The following ALB variants were observed in gnomAD, a reference collection of about 807,000 sequenced individuals.
The protein encoded by ALB is serum albumin.
A neutral mutation model predicts 74.5 loss-of-function variants in ALB; 37 were observed. The ratio of observed to expected loss-of-function variants is 0.50; its 90% CI spans 0.38 to 0.65. ALB has a LOEUF of 0.65. Among genes scored for constraint, ALB ranks in the 30% least tolerant of loss-of-function variants. The pLI is 0.00. For missense variants in ALB, 685 were observed against 718.7 expected (o/e 0.95, Z 0.54); for synonymous variants, 249 against 251.6 (o/e 0.99, Z 0.10).
rs76587671 is a variant in ALB at position 73,419,613 on chromosome 4, G to A, written c.1759G>A (p.Asp587Asn). The change falls in exon 13 of 15, where the codon GAT becomes AAT. Residue 587 changes from aspartate (D) to asparagine (N), a missense_variant. By Grantham distance (23) the Asp-to-Asn change is conservative (BLOSUM62 1). Coordinates refer to ENST00000295897, the MANE Select transcript of ALB (RefSeq NM_000477.7). ...AFVEKCCKAD[D>N]KETCFAEEGK... is the part of the protein sequence containing the mutation. ...TGTAGAGAAGTGCTGCAAGGCTGAC[G>A]ATAAGGAGACCTGCTTTGCCGAGGA... 16 of 1,613,888 alleles carry A rather than the reference G, an allele frequency of 9.9e-6. No individual in the cohort carries two copies. In the Admixed American group the frequency reaches 1.5e-4, roughly 15 times the overall value.
chr4:73,405,162 T>G lies in ALB; in HGVS notation c.126T>G (p.Asn42Lys). 1 of 1,612,272 alleles carries G rather than the reference T, an allele frequency of 6.2e-7. No individual in the cohort carries two copies. The highest frequency in any genetic ancestry group is 8.5e-7 in the Non-Finnish European group (1 of 1,178,476). Reference protein sequence around the residue: ...AHRFKDLGEENFKALVLIAFA... With the variant: ...AHRFKDLGEEKFKALVLIAFA... ...GGTTTAAAGATTTGGGAGAAGAAAA[T>G]TTCAAAGCCTTGTAAGTTAAAATAT... The change falls in exon 2 of 15, where the codon AAT (asparagine) becomes AAG (lysine). Residue 42 changes from asparagine to lysine, a missense_variant. By Grantham distance (94) the Asn-to-Lys change is moderately conservative (BLOSUM62 0). Transcript: ENST00000295897.
chr4:73,419,584 C>A lies in ALB; in HGVS notation c.1730C>A (p.Ala577Asp), dbSNP rs1280698113. 5 of 1,613,844 alleles carry A rather than the reference C, an allele frequency of 3.1e-6. No individual in the cohort carries two copies. The highest frequency in any genetic ancestry group is 1.1e-5 in the South Asian group (1 of 91,076). The change falls in exon 13 of 15, where the codon GCT becomes GAT. Residue 577 changes from alanine to aspartate, a missense_variant. By Grantham distance (126) the Ala-to-Asp change is moderately radical. Coordinates refer to ENST00000295897, the MANE Select transcript of ALB (RefSeq NM_000477.7). ...AAAGCTGTTATGGATGATTTCGCAG[C>A]TTTTGTAGAGAAGTGCTGCAAGGCT... ...QLKAVMDDFA[A>D]FVEKCCKADD...
At chr4:73,411,875 A>G (rs1421831256) in intron 6 of ALB, 121 bp from the exon 7 acceptor site, 11 of 1,296,924 alleles carry the variant, frequency 8.5e-6, no homozygotes, top group Non-Finnish European at 1.2e-5. Context: ...GAACTAATGA[A>G]TTTTAAAAAT....
chr4:73,406,159 T>G (rs1400959053), intron 2 of ALB, among the ~76,000 whole-genome samples: 1 of 152,100 alleles, frequency 6.6e-6, no homozygotes, highest in East Asian at 1.9e-4. Context: ...CTTAGGAGGC[T>G]GACGTAGGAG....
chr4:73,409,152 C>T, intron 4 of ALB: 1 of 623,030 alleles, frequency 1.6e-6, no homozygotes, highest in Non-Finnish European at 2.8e-6. Flanking sequence ...TTTATGCACA[C>T]ACACACACAC....
chr4:73,411,372 T>A (rs1718871754), intron 6 of ALB, among the ~76,000 whole-genome samples: 1 of 152,190 alleles, frequency 6.6e-6, no homozygotes, highest in South Asian at 2.1e-4. Context: ...GACGTTTACA[T>A]CTTGTCATAG....
At chr4:73,418,381 C>T in intron 12 of ALB, 70 bp downstream of exon 12, 2 of 1,386,932 alleles carry the variant, frequency 1.4e-6, no homozygotes, top group Non-Finnish European at 2.0e-6. Context: ...AAGCTAGCAA[C>T]TTTTTCCTGA....
At chr4:73,407,764 T>C (rs539489754) in intron 3 of ALB, among the ~76,000 whole-genome samples, 54 of 152,318 alleles carry the variant, frequency 3.5e-4, no homozygotes, top group African/African-American at 1.2e-3. Flanking sequence ...AACTTTAAAC[T>C]TTTAGTATTT....
rs1577936067 is a variant in ALB at position 73,408,681 on chromosome 4, C to T, written c.358C>T (p.Pro120Ser). 1.2e-6 allele frequency: 2 copies of T among 1,614,006 alleles called. No individual in the cohort carries two copies. Among genetic ancestry groups the T allele is most frequent in the Non-Finnish European group, 1.7e-6 (2 of 1,179,922 alleles). The change falls in exon 4 of 15, where the codon CCT (proline) becomes TCT (serine). Residue 120 changes from proline to serine, a missense_variant. By Grantham distance (74) the Pro-to-Ser change is moderately conservative (BLOSUM62 -1). Coordinates refer to ENST00000295897, the MANE Select transcript of ALB (RefSeq NM_000477.7). ...GGCTGACTGCTGTGCAAAACAAGAA[C>T]CTGAGAGAAATGAATGCTTCTTGCA... ...EMADCCAKQEPERNECFLQHK... is the reference protein window; with the variant it reads ...EMADCCAKQESERNECFLQHK...
At chr4:73,419,671 A>G in intron 13 of ALB, 32 bp downstream of exon 13, 1 of 1,612,794 alleles carries the variant, frequency 6.2e-7, no homozygotes, top group African/African-American at 1.3e-5. Context: ...TAATATGTCC[A>G]GTATTCATTT....
At chr4:73,407,150 C>G (rs768714352) in intron 3 of ALB, among the ~76,000 whole-genome samples, 17 of 147,186 alleles carry the variant, frequency 1.2e-4, no homozygotes, top group Admixed American at 6.7e-5. Flanking sequence ...TGAGATCTAC[C>G]CTGTTATATT....
rs78166690 is a variant in ALB, at chr4:73,415,162, A to G, written c.1186A>G (p.Lys396Glu). The G allele has an allele frequency of 3.7e-6, 6 of 1,614,054 alleles. No homozygotes were observed. The highest frequency in any genetic ancestry group is 1.6e-4 in the Middle Eastern group (1 of 6,082). ...AAADPHECYA[K>E]VFDEFKPLVE... ...TGCAGATCCTCATGAATGCTATGCC[A>G]AAGTGGTAGGTTTATTGTTGGAAAA... The change falls in exon 9 of 15, where the codon AAA becomes GAA. Residue 396 changes from lysine to glutamate, a missense_variant. By Grantham distance (56) the Lys-to-Glu change is moderately conservative. Transcript: ENST00000295897.
chr4:73,405,102 C>A lies in ALB; in HGVS notation c.80-14C>A, dbSNP rs780876692. The A allele has an allele frequency of 3.7e-6, 6 of 1,605,620 alleles. No individual in the cohort carries two copies. In the East Asian group the frequency reaches 1.3e-4, roughly 36 times the overall value. Reference sequence around the variant, plus strand: ...TCAGTATTTAACAATCCTTTTTTTTCTTCCCTTGCCCAGACAAGAGTGAGG... The same window carrying A: ...TCAGTATTTAACAATCCTTTTTTTTATTCCCTTGCCCAGACAAGAGTGAGG... On this transcript the variant is annotated splice_polypyrimidine_tract_variant and intron_variant, in intron 1 of 14. Coordinates refer to ENST00000295897, the MANE Select transcript of ALB (RefSeq NM_000477.7).
chr4:73,407,834 T>A (rs1036933311), intron 3 of ALB, among the ~76,000 whole-genome samples: 7 of 152,212 alleles, frequency 4.6e-5, no homozygotes, highest in Non-Finnish European at 8.8e-5. Context: ...AATCTATATA[T>A]ACCTCTTGTG....
chr4:73,415,429 G>T, intron 9 of ALB: 1 of 358,934 alleles, frequency 2.8e-6, no homozygotes, highest in Non-Finnish European at 5.0e-6. Flanking sequence ...ACAATCCTGA[G>T]AACAAAAAAA....
At chr4:73,406,491 A>G in intron 2 of ALB, 138 bp from the exon 3 acceptor site, 2 of 864,314 alleles carry the variant, frequency 2.3e-6, no homozygotes, top group Middle Eastern at 3.4e-4. Flanking sequence ...ACCTGATATG[A>G]ATAGGCTTTC....
In ALB at chr4:73,410,390, G is replaced by A; in HGVS notation, c.694G>A (p.Glu232Lys). 1 of 1,612,686 alleles carries A rather than the reference G, an allele frequency of 6.2e-7. No homozygotes were observed. Among genetic ancestry groups the A allele is most frequent in the Non-Finnish European group, 8.5e-7 (1 of 1,178,692 alleles). Residue 232 changes from glutamate to lysine, a missense_variant, in exon 6 of 15, where the codon GAA (glutamate) becomes AAA (lysine). Physicochemically the swap from Glu to Lys is moderately conservative, Grantham distance 56. Coordinates refer to ENST00000295897, the MANE Select transcript of ALB (RefSeq NM_000477.7). Reference protein sequence around the residue: ...LKCASLQKFGERAFKAWAVAR... With the variant: ...LKCASLQKFGKRAFKAWAVAR... The stretch of plus-strand genomic sequence containing the variant: ...GTGTGCCAGTCTCCAAAAATTTGGA[G>A]AAAGAGCTTTCAAAGCATGGTAAAT...
chr4:73,417,116 A>G (rs1186779865), intron 10 of ALB, among the ~76,000 whole-genome samples: 1 of 152,196 alleles, frequency 6.6e-6, no homozygotes, highest in Non-Finnish European at 1.5e-5. Context: ...ATGTCAGATT[A>G]ATTATAATAC....
chr4:73,418,982 A>G (rs1488335773), intron 12 of ALB, among the ~76,000 whole-genome samples: 1 of 152,172 alleles, frequency 6.6e-6, no homozygotes, highest in Non-Finnish European at 1.5e-5. Flanking sequence ...GAGTTTGGAT[A>G]GCCTTATTTT....
Sources: gnomAD v4.1 joint callset for allele counts (sites outside exome capture counted in the v4.1 genomes callset) on GRCh38, gnomAD v4.1.1 for gene constraint, MANE v1.5 for transcripts, NCBI Gene and HGNC (gene_info 2026-07-23, HGNC 2026-07-21) for gene names.